Variants in SHROOM3 observed in about 807,000 individuals in gnomAD.
SHROOM3 encodes protein Shroom3.
SHROOM3 carries 47 observed loss-of-function variants against 138.6 expected under a neutral mutation model. The observed-to-expected ratio is 0.34, with a 90% CI of 0.27 to 0.43. SHROOM3 has a LOEUF of 0.43. Among genes scored for constraint, SHROOM3 ranks in the 20% least tolerant of loss-of-function variants. SHROOM3 has a pLI of 1.00. For synonymous variants in SHROOM3, 1,062 were observed against 1,063.3 expected (o/e 1.00, Z 0.02); for missense variants, 2,491 against 2,596.5 (o/e 0.96, Z 0.88).
intron 2 of SHROOM3, among the ~76,000 whole-genome samples, chr4:76,683,870 G>A (rs1719264736): frequency 6.6e-6 from 1 of 152,118 alleles, no homozygotes; most frequent in South Asian, 2.1e-4. Flanking sequence ...AAAGTCTATA[G>A]AAGTGTTTAA....
rs1721245471 is a variant in SHROOM3 at position 76,741,266 on chromosome 4, C to T, written c.3093C>T (p.Ile1031=). Residue 1031 remains isoleucine (I), a synonymous_variant, in exon 5 of 11, where the codon ATC becomes ATT. Transcript: ENST00000296043. This position sits in a 1 kb window ranked among gnomAD's most constrained non-coding sequence, Gnocchi z 6.2. ...CCGAGAAGATGAACGAGGTGGGGAT[C>T]GTGGAGGAGGCCGAACCGGCACCCC... ...SEPEKMNEVG[I]VEEAEPAPLG... The T allele has an allele frequency of 4.3e-6, 7 of 1,611,932 alleles. No homozygotes were observed. Among genetic ancestry groups the T allele is most frequent in the Non-Finnish European group, 5.9e-6 (7 of 1,179,634 alleles).
At chr4:76,757,010 A>G (rs949938620) in intron 8 of SHROOM3, 73 bp downstream of exon 8, 25 of 1,609,192 alleles carry the variant, frequency 1.6e-5, no homozygotes, top group Non-Finnish European at 2.0e-5. Context: ...TAAGTCTAGG[A>G]CTAGTTGCCT....
chr4:76,690,213 T>G (rs10021121), intron 2 of SHROOM3, among the ~76,000 whole-genome samples: 23,502 of 151,982 alleles, frequency 0.15, 2,125 homozygotes, highest in East Asian at 0.35. Context: ...ATCATGAAAA[T>G]GAAATTCTAC....
At chr4:76,528,802 C>T (rs1648036107) in intron 1 of SHROOM3, among the ~76,000 whole-genome samples, 1 of 152,184 alleles carries the variant, frequency 6.6e-6, no homozygotes, top group African/African-American at 2.4e-5. Flanking sequence ...GATCCACCCA[C>T]CTTGGCCTCC....
At chr4:76,475,090 A>G (rs1217730166) in intron 1 of SHROOM3, among the ~76,000 whole-genome samples, 1 of 152,164 alleles carries the variant, frequency 6.6e-6, no homozygotes, top group Non-Finnish European at 1.5e-5. Flanking sequence ...GTCTTAGGGA[A>G]TACATATGAT....
intron 1 of SHROOM3, among the ~76,000 whole-genome samples, chr4:76,533,007 A>G (rs1213042330): frequency 6.6e-6 from 1 of 152,224 alleles, no homozygotes; most frequent in African/African-American, 2.4e-5. Flanking sequence ...CACTGGACAA[A>G]GGGAGGATTC....
intron 1 of SHROOM3, among the ~76,000 whole-genome samples, chr4:76,453,794 G>A (rs564161481): frequency 1.3e-5 from 2 of 152,210 alleles, no homozygotes; most frequent in East Asian, 3.9e-4. Context: ...TATCAGATGT[G>A]TGATTTGCAA....
At chr4:76,594,692 A>T (rs894238072) in intron 2 of SHROOM3, among the ~76,000 whole-genome samples, 1 of 152,210 alleles carries the variant, frequency 6.6e-6, no homozygotes, top group African/African-American at 2.4e-5. Flanking sequence ...AACACCTGCT[A>T]TGTGACAATT....
chr4:76,527,830 C>G (rs1485808138), intron 1 of SHROOM3, among the ~76,000 whole-genome samples: 1 of 152,206 alleles, frequency 6.6e-6, no homozygotes, highest in Non-Finnish European at 1.5e-5. Context: ...ATGGATCGCC[C>G]ATGACCAGCC....
intron 2 of SHROOM3, among the ~76,000 whole-genome samples, chr4:76,645,084 C>T (rs1198176661): frequency 6.6e-6 from 1 of 152,178 alleles, no homozygotes; most frequent in Non-Finnish European, 1.5e-5. Context: ...GACTCCAAAG[C>T]CTGTATATTT....
rs1033407464 is a variant in SHROOM3, at chr4:76,740,413, C to A, written c.2240C>A (p.Ala747Asp). 6.2e-7 allele frequency: 1 copy of A among 1,613,012 alleles called. No homozygotes were observed. The highest frequency in any genetic ancestry group is 1.3e-5 in the African/African-American group (1 of 75,056). ...STDPSPEEPP[A>D]PSHPHTSSLG... ...GACCCAAGTCCCGAAGAGCCGCCTG[C>A]CCCCTCGCACCCGCACACATCCAGT... Residue 747 changes from alanine to aspartate, a missense_variant, in exon 5 of 11, where the codon GCC becomes GAC. Coordinates refer to ENST00000296043, the MANE Select transcript of SHROOM3 (RefSeq NM_020859.4). The surrounding 1 kb of genome is among the most constrained non-coding windows in gnomAD (Gnocchi z 4.0).
At chr4:76,574,415 G>C (rs1457926595) in intron 2 of SHROOM3, among the ~76,000 whole-genome samples, 1 of 152,092 alleles carries the variant, frequency 6.6e-6, no homozygotes, top group Non-Finnish European at 1.5e-5. Context: ...TTTGAGCCTA[G>C]CAATCTGATT....
At chr4:76,765,351 CAAA>C (rs35934138) in intron 9 of SHROOM3, among the ~76,000 whole-genome samples, 2 of 79,924 alleles carry the variant, frequency 2.5e-5, no homozygotes, top group African/African-American at 4.2e-5. Context: ...CCCATCTCTA[CAAA>C]AAAAAAAAAA....
At chr4:76,751,081 A>G (rs921536561) in intron 6 of SHROOM3, among the ~76,000 whole-genome samples, 1 of 152,192 alleles carries the variant, frequency 6.6e-6, no homozygotes, top group African/African-American at 2.4e-5. Context: ...TGTGCTATGA[A>G]TTTTGAGTAC....
At chr4:76,751,442 C>T (rs1251952871) in intron 6 of SHROOM3, among the ~76,000 whole-genome samples, 1 of 152,104 alleles carries the variant, frequency 6.6e-6, no homozygotes, top group Admixed American at 6.5e-5. Context: ...AGAGATTTTG[C>T]ACTGTTCAAG....
intron 2 of SHROOM3, among the ~76,000 whole-genome samples, chr4:76,560,837 A>G (rs1170745391): frequency 6.6e-6 from 1 of 152,248 alleles, no homozygotes; most frequent in Non-Finnish European, 1.5e-5. Context: ...GTCTGATGGC[A>G]TAGGCACTAG....
chr4:76,476,755 T>C (rs749304135), intron 1 of SHROOM3, among the ~76,000 whole-genome samples: 107 of 152,208 alleles, frequency 7.0e-4, no homozygotes, highest in Non-Finnish European at 1.4e-3. Flanking sequence ...TCCTTTCATC[T>C]CTTAATCCCT....
chr4:76,692,227 C>G (rs1719574823), intron 2 of SHROOM3, among the ~76,000 whole-genome samples: 1 of 152,194 alleles, frequency 6.6e-6, no homozygotes, highest in Non-Finnish European at 1.5e-5. Context: ...GGGATTTCTT[C>G]ATGCATGTCA....
chr4:76,645,999 T>C (rs2110085204), intron 2 of SHROOM3, among the ~76,000 whole-genome samples: 1 of 152,028 alleles, frequency 6.6e-6, no homozygotes, highest in African/African-American at 2.4e-5. Context: ...AGTGGGCAAC[T>C]AGCTTCCATC....
Sources: gnomAD v4.1 joint callset for allele counts (sites outside exome capture counted in the v4.1 genomes callset) on GRCh38, gnomAD v4.1.1 for gene constraint, Gnocchi (gnomAD v3.1) non-coding constraint, MANE v1.5 for transcripts, NCBI Gene and HGNC (gene_info 2026-07-23, HGNC 2026-07-21) for gene names.